Variants in GRM7 observed in about 807,000 individuals in gnomAD.
GRM7 encodes glutamate metabotropic receptor 7, also known as metabotropic glutamate receptor 7.
Under a neutral mutation model 84.5 loss-of-function variants are expected in GRM7, and 35 were observed. The observed-to-expected ratio is 0.41, with a 90% CI of 0.32 to 0.55. GRM7 has a LOEUF of 0.55. Among genes scored for constraint, GRM7 ranks in the 20% least tolerant of loss-of-function variants. GRM7 has a pLI of 0.19. For missense variants in GRM7, 1,003 were observed against 1,194.6 expected (o/e 0.84, Z 2.36); for synonymous variants, 487 against 455.1 (o/e 1.07, Z -0.89).
intron 5 of GRM7, among the ~76,000 whole-genome samples, chr3:7,415,894 C>T (rs1696139329): frequency 6.6e-6 from 1 of 152,052 alleles, no homozygotes; most frequent in Admixed American, 6.6e-5. Flanking sequence ...AACTGTAATC[C>T]ATGTTCTGAG....
chr3:7,178,999 G>T (rs1044834719), intron 2 of GRM7, among the ~76,000 whole-genome samples: 2 of 152,032 alleles, frequency 1.3e-5, no homozygotes, highest in South Asian at 2.1e-4. Flanking sequence ...CTAGTTACTC[G>T]GGAGGCTGAG....
intron 7 of GRM7, among the ~76,000 whole-genome samples, chr3:7,575,563 G>A (rs1328934721): frequency 6.6e-6 from 1 of 152,110 alleles, no homozygotes; most frequent in Non-Finnish European, 1.5e-5. Flanking sequence ...GTGTGGGTGG[G>A]TATAGATATA....
intron 2 of GRM7, among the ~76,000 whole-genome samples, chr3:7,215,090 G>A (rs1696557250): frequency 6.6e-6 from 1 of 152,180 alleles, no homozygotes; most frequent in African/African-American, 2.4e-5. Flanking sequence ...ACAAGGTGGT[G>A]ACATATTTAG....
chr3:7,712,099 T>C (rs1330438079), intron 9 of GRM7, among the ~76,000 whole-genome samples: 1 of 152,194 alleles, frequency 6.6e-6, no homozygotes, highest in African/African-American at 2.4e-5. Context: ...GGGGCATGCC[T>C]TCCTGTTCCC....
At chr3:7,170,357 C>T (rs1220821229) in intron 2 of GRM7, among the ~76,000 whole-genome samples, 1 of 152,198 alleles carries the variant, frequency 6.6e-6, no homozygotes, top group African/African-American at 2.4e-5. Flanking sequence ...GCCACCAAGA[C>T]TTGAGTAAGG....
intron 1 of GRM7, among the ~76,000 whole-genome samples, chr3:6,927,526 A>G (rs543135261): frequency 6.6e-6 from 1 of 152,056 alleles, no homozygotes; most frequent in African/African-American, 2.4e-5. Context: ...AGAAGAGAAA[A>G]GAAAGAAAGA....
chr3:7,489,510 C>G (rs1331931478), intron 7 of GRM7, among the ~76,000 whole-genome samples: 1 of 152,156 alleles, frequency 6.6e-6, no homozygotes, highest in Non-Finnish European at 1.5e-5. Flanking sequence ...CTGGTTCTTT[C>G]ATCCTGCATT....
At chr3:7,545,357 T>G (rs573244804) in intron 7 of GRM7, among the ~76,000 whole-genome samples, 1 of 152,340 alleles carries the variant, frequency 6.6e-6, no homozygotes, top group African/African-American at 2.4e-5. Context: ...AATTAAAATG[T>G]AGGGTTTAAC....
At chr3:7,394,861 A>T (rs1695143914) in intron 4 of GRM7, among the ~76,000 whole-genome samples, 1 of 152,112 alleles carries the variant, frequency 6.6e-6, no homozygotes. Context: ...AATATGGTGA[A>T]ATCCTGTCTC....
At chr3:7,536,212 A>G (rs1701236911) in intron 7 of GRM7, among the ~76,000 whole-genome samples, 2 of 152,262 alleles carry the variant, frequency 1.3e-5, no homozygotes, top group South Asian at 4.2e-4. Context: ...AATAAGTTTG[A>G]GATCACTTAT....
intron 1 of GRM7, among the ~76,000 whole-genome samples, chr3:7,039,352 T>A (rs1696504588): frequency 6.6e-6 from 1 of 152,214 alleles, no homozygotes; most frequent in Non-Finnish European, 1.5e-5. Context: ...AAAGTGTTTT[T>A]TAAAAAAATT....
intron 8 of GRM7, among the ~76,000 whole-genome samples, chr3:7,603,929 A>G (rs544134848): frequency 1.2e-4 from 19 of 152,340 alleles, no homozygotes; most frequent in Non-Finnish European, 2.6e-4. Context: ...ATGGATGTGT[A>G]AATAGACACA....
In GRM7 at chr3:7,520,457, A is replaced by G. The variant is rs115368832; in HGVS notation, c.1516-57965A>G. On this transcript the variant is annotated intron_variant, in intron 7 of 9. Transcript: ENST00000357716. ...CTTTCTTGCATCATTTAATTCTCCT[A>G]TATTCTGGATTCTTTATGTTCTAAA... Among the ~76,000 whole-genome samples, 204 of 152,062 alleles carry G rather than the reference A, an allele frequency of 1.3e-3. 2 individuals are homozygous for G. Among genetic ancestry groups the G allele is most frequent in the African/African-American group, 4.0e-3 (167 of 41,448 alleles).
chr3:6,975,680 G>A (rs1049373201), intron 1 of GRM7, among the ~76,000 whole-genome samples: 1 of 152,078 alleles, frequency 6.6e-6, no homozygotes, highest in Admixed American at 6.6e-5. Flanking sequence ...TAGGCTAATA[G>A]ATTTATTCTA....
intron 9 of GRM7, among the ~76,000 whole-genome samples, chr3:7,723,479 G>T (rs1384828784): frequency 6.6e-6 from 1 of 152,068 alleles, no homozygotes; most frequent in African/African-American, 2.4e-5. Context: ...GTGTGTGCAG[G>T]TCCACTAGAC....
intron 1 of GRM7, among the ~76,000 whole-genome samples, chr3:7,145,936 T>C (rs1438196088): frequency 1.3e-5 from 2 of 152,184 alleles, no homozygotes; most frequent in South Asian, 2.1e-4. Flanking sequence ...AAAATGTTCT[T>C]GTGAAGAATA....
intron 2 of GRM7, among the ~76,000 whole-genome samples, chr3:7,260,673 T>TTTGTGTGTG (rs1553638949): frequency 1.4e-5 from 2 of 144,428 alleles, no homozygotes; most frequent in Non-Finnish European, 3.0e-5. Context: ...TTCTTTTGAA[T>TTTGTGTGTG]TGTGTGTGTG....
rs1195885034 is a variant in GRM7, at chr3:7,425,226, G to A, written c.1174+10063G>A. Among the ~76,000 whole-genome samples, 3 of 152,152 alleles carry A rather than the reference G, an allele frequency of 2.0e-5. No individual in the cohort carries two copies. The South Asian group carries it at 6.2e-4, about 32-fold the overall frequency. ...TTTTGGTCCGCACTGATAAACAGCT[G>A]TAGTGGAGAAGTGAGCTGACCTTGT... On this transcript the variant is annotated intron_variant, in intron 5 of 9. Transcript: ENST00000357716.
At chr3:7,184,638 G>T (rs1489206854) in intron 2 of GRM7, among the ~76,000 whole-genome samples, 1 of 151,924 alleles carries the variant, frequency 6.6e-6, no homozygotes. Flanking sequence ...CATATAATTA[G>T]AAATATATTA....
Sources: allele counts gnomAD v4.1 joint callset (sites outside exome capture counted in the v4.1 genomes callset), GRCh38; gene constraint gnomAD v4.1.1; transcripts MANE v1.5; gene names NCBI Gene and HGNC (gene_info 2026-07-23, HGNC 2026-07-21).